MYH15: variants seen among roughly 807,000 people sequenced by gnomAD.
The protein encoded by MYH15 is myosin heavy chain 15.
MYH15 carries 227 observed loss-of-function variants against 240.5 expected under a neutral mutation model. That is an observed-to-expected ratio of 0.94 (90% CI 0.85 to 1.05). The LOEUF is 1.05. MYH15 is among the 50% of genes least tolerant of loss of function. The pLI, the probability that MYH15 is intolerant of heterozygous loss-of-function variation, is 0.00. For missense variants in MYH15, 2,217 were observed against 2,247.5 expected, an observed-to-expected ratio of 0.99 and a Z score of 0.27; for synonymous variants, 785 against 796.7, an observed-to-expected ratio of 0.99 and a Z score of 0.25.
chr3:108,504,374 T>A (rs2083458521), intron 2 of MYH15, among the ~76,000 whole-genome samples: 1 of 152,210 alleles, frequency 6.6e-6, no homozygotes, highest in Non-Finnish European at 1.5e-5. Flanking sequence ...TTAAATAACA[T>A]CTACCTAATT....
At chr3:108,486,622 A>G in intron 9 of MYH15, 96 bp from the exon 10 acceptor site, 1 of 710,004 alleles carries the variant, frequency 1.4e-6, no homozygotes, top group Non-Finnish European at 2.3e-6. Flanking sequence ...TACAGTTTAT[A>G]TCATACTTGT....
chr3:108,541,003 A>G, the MYH15 span, among the ~76,000 whole-genome samples: 1 of 152,076 alleles, frequency 6.6e-6, no homozygotes, highest in African/African-American at 2.4e-5. Context: ...AGGTATAAAA[A>G]CTATATTCAA....
chr3:108,428,263 CT>C (rs2082742322), intron 27 of MYH15, among the ~76,000 whole-genome samples: 1 of 152,206 alleles, frequency 6.6e-6, no homozygotes, highest in African/African-American at 2.4e-5. Context: ...GATTTGAATT[CT>C]GTTAAAACCA....
chr3:108,507,274 T>TATATAC (rs2083486043), intron 1 of MYH15, among the ~76,000 whole-genome samples: 3 of 97,362 alleles, frequency 3.1e-5, no homozygotes, highest in Admixed American at 1.1e-4. Flanking sequence ...TATATATATA[T>TATATAC]ATACACATAT....
chr3:108,548,254 T>C, the MYH15 span, among the ~76,000 whole-genome samples: 1 of 152,124 alleles, frequency 6.6e-6, no homozygotes, highest in Non-Finnish European at 1.5e-5. Context: ...GAATTTTACA[T>C]ATAAACATAA....
At chr3:108,532,560 A>G (rs532271968), upstream of MYH15, among the ~76,000 whole-genome samples, 92 of 152,294 alleles carry the variant, frequency 6.0e-4, no homozygotes, top group African/African-American at 1.6e-3. Context: ...CTGACTGAAG[A>G]TATTGGGACT....
chr3:108,410,634 C>T lies in MYH15; in HGVS notation c.4444G>A (p.Glu1482Lys). Residue 1482 changes from glutamate (E) to lysine (K), a missense_variant, in exon 31 of 41, where the codon GAG (glutamate) becomes AAG (lysine). Transcript: ENST00000693548. The part of the protein sequence containing the change: ...ELLKLKNTYE[E>K]SIVGQETLRR... ...AGTGTCTCCTGGCCCACGATGCTCT[C>T]CTCATAGGTGTTCTTGAGCTTGAGG... 1 of 1,613,820 alleles carries T rather than the reference C, an allele frequency of 6.2e-7. No individual in the cohort carries two copies. Among genetic ancestry groups the T allele is most frequent in the Non-Finnish European group, 8.5e-7 (1 of 1,179,752 alleles).
At chr3:108,537,641 T>C in the MYH15 span, among the ~76,000 whole-genome samples, 1 of 152,194 alleles carries the variant, frequency 6.6e-6, no homozygotes, top group Non-Finnish European at 1.5e-5. Flanking sequence ...GTTGGCACTT[T>C]GATCATGGAC....
chr3:108,542,462 A>T, the MYH15 span, among the ~76,000 whole-genome samples: 1 of 152,204 alleles, frequency 6.6e-6, no homozygotes. Flanking sequence ...ATATAGTTGT[A>T]ATAATGTGTG....
Position 108,383,747 on chromosome 3 carries a change from A to T in MYH15, c.5632-18T>A, listed in dbSNP as rs746003362. The T allele has an allele frequency of 2.3e-5, 35 of 1,510,848 alleles. No homozygotes were observed. Among genetic ancestry groups the T allele is most frequent in the African/African-American group, 1.7e-4 (8 of 48,372 alleles). 93.6% of individuals were successfully genotyped at this position (1,510,848 alleles called of 1,614,324 possible). On this transcript the variant is annotated intron_variant, in intron 39 of 40. Transcript: ENST00000693548. Reference sequence around the variant, plus strand: ...TGTGTTTCCTATAAAAATAAAAAAAAAAAAAAAGAAATCTCCATGCCTATA... The same window carrying T: ...TGTGTTTCCTATAAAAATAAAAAAATAAAAAAAGAAATCTCCATGCCTATA...
At chr3:108,398,881 A>G in intron 34 of MYH15, 41 bp from the exon 35 acceptor site, 1 of 1,571,812 alleles carries the variant, frequency 6.4e-7, no homozygotes, top group Non-Finnish European at 8.8e-7. Flanking sequence ...GATCCCTCTG[A>G]GTTCAACATA....
At chr3:108,484,670 G>A (rs2083291945) in intron 11 of MYH15, among the ~76,000 whole-genome samples, 1 of 152,024 alleles carries the variant, frequency 6.6e-6, no homozygotes, top group Non-Finnish European at 1.5e-5. Context: ...AGTAGAGACA[G>A]GGTTTCGCTA....
At chr3:108,454,260 G>T (rs2083000772) in intron 20 of MYH15, 118 bp from the exon 21 acceptor site, 3 of 909,490 alleles carry the variant, frequency 3.3e-6, no homozygotes, top group Non-Finnish European at 4.6e-6. Flanking sequence ...TCCATTTCTT[G>T]TAAGTTTTAT....
At chr3:108,489,830 C>T (rs2083333341) in intron 9 of MYH15, among the ~76,000 whole-genome samples, 2 of 152,012 alleles carry the variant, frequency 1.3e-5, no homozygotes, top group Admixed American at 6.6e-5. Flanking sequence ...TTAAAATGTC[C>T]CCCAAAAGGA....
At chr3:108,410,468 T>C (rs1560330526) in intron 31 of MYH15, 115 bp downstream of exon 31, 3 of 644,754 alleles carry the variant, frequency 4.7e-6, no homozygotes, top group African/African-American at 3.6e-5. Flanking sequence ...AGTATAAAAA[T>C]TGAAAAGTTA....
the MYH15 span, among the ~76,000 whole-genome samples, chr3:108,548,936 C>T: frequency 2.6e-5 from 4 of 151,938 alleles, no homozygotes; most frequent in Non-Finnish European, 4.4e-5. Flanking sequence ...TCCTAAGACA[C>T]AGCATACAGT....
intron 24 of MYH15, among the ~76,000 whole-genome samples, chr3:108,438,491 G>A (rs946884042): frequency 6.6e-6 from 1 of 152,194 alleles, no homozygotes; most frequent in Non-Finnish European, 1.5e-5. Flanking sequence ...GGGAAGGAGG[G>A]AGAAATTCTG....
intron 21 of MYH15, among the ~76,000 whole-genome samples, chr3:108,447,596 A>G (rs1367562635): frequency 1.3e-5 from 2 of 152,048 alleles, no homozygotes; most frequent in Non-Finnish European, 2.9e-5. Context: ...AAAAAAACTA[A>G]AAACCACCAA....
chr3:108,510,209 G>C (rs1280517089), intron 1 of MYH15, among the ~76,000 whole-genome samples: 2 of 152,130 alleles, frequency 1.3e-5, no homozygotes, highest in Non-Finnish European at 2.9e-5. Flanking sequence ...AGGATCAAGT[G>C]TGTAGGGCCC....
Sources: gnomAD v4.1 joint callset for allele counts (sites outside exome capture counted in the v4.1 genomes callset) on GRCh38, gnomAD v4.1.1 for gene constraint, MANE v1.5 for transcripts, NCBI Gene and HGNC (gene_info 2026-07-23, HGNC 2026-07-21) for gene names.